FOXP2: variants seen among roughly 807,000 people sequenced by gnomAD.
The protein encoded by FOXP2 is forkhead box P2.
In FOXP2, 12 loss-of-function variants were observed where a neutral mutation model predicts 115.8. The ratio of observed to expected loss-of-function variants is 0.10; its 90% CI spans 0.07 to 0.17. The LOEUF is 0.17. Among genes scored for constraint, FOXP2 ranks in the 10% least tolerant of loss-of-function variants. FOXP2 has a pLI of 1.00. For missense variants in FOXP2, 629 were observed against 843.5 expected, an observed-to-expected ratio of 0.75 and a Z score of 3.15; for synonymous variants, 328 against 297.7, an observed-to-expected ratio of 1.10 and a Z score of -1.05.
intron 1 of FOXP2, among the ~76,000 whole-genome samples, chr7:114,421,592 T>G (rs868252463): frequency 1.3e-5 from 2 of 151,806 alleles, no homozygotes; most frequent in African/African-American, 2.4e-5. Context: ...AATAAACAAG[T>G]TAATTTTAAT....
chr7:114,421,125 T>C (rs1793600353), intron 1 of FOXP2, among the ~76,000 whole-genome samples: 1 of 151,674 alleles, frequency 6.6e-6, no homozygotes, highest in African/African-American at 2.4e-5. Flanking sequence ...TACATCTACA[T>C]GGCCACCATT....
intron 2 of FOXP2, among the ~76,000 whole-genome samples, chr7:114,370,152 C>T (rs561982390): frequency 2.0e-5 from 3 of 152,284 alleles, no homozygotes; most frequent in African/African-American, 7.2e-5. Flanking sequence ...CTATGTCAGT[C>T]TCAGATGGTT....
chr7:114,624,099 CAATA>C (rs764108488), intron 3 of FOXP2, among the ~76,000 whole-genome samples: 6 of 151,764 alleles, frequency 4.0e-5, no homozygotes, highest in Non-Finnish European at 8.9e-5. Flanking sequence ...CATTCCAATG[CAATA>C]AATAGTTTCT....
chr7:114,129,769 G>C (rs1163047355), intron 1 of FOXP2, among the ~76,000 whole-genome samples: 1 of 152,154 alleles, frequency 6.6e-6, no homozygotes, highest in Non-Finnish European at 1.5e-5. Flanking sequence ...TACCTTCACT[G>C]TTCTGTCATT....
At chr7:114,253,751 G>T (rs1475292888) in intron 1 of FOXP2, among the ~76,000 whole-genome samples, 1 of 152,160 alleles carries the variant, frequency 6.6e-6, no homozygotes, top group Non-Finnish European at 1.5e-5. Context: ...TATCCAATTT[G>T]TCAGTCTGTG....
intron 1 of FOXP2, among the ~76,000 whole-genome samples, chr7:114,127,731 ATGT>A (rs1791754973): frequency 6.6e-6 from 1 of 152,156 alleles, no homozygotes; most frequent in Non-Finnish European, 1.5e-5. Flanking sequence ...AGATCAGTAG[ATGT>A]TGTGCTTGAT....
intron 2 of FOXP2, among the ~76,000 whole-genome samples, chr7:114,505,077 A>C (rs141357890): frequency 5.7e-4 from 86 of 151,722 alleles, no homozygotes; most frequent in African/African-American, 1.9e-3. Context: ...CATAGTTCTG[A>C]CTTCTCATTT....
Position 114,672,584 on chromosome 7 carries a change from C to CAA in FOXP2, c.2003+8158_2003+8159dup, listed in dbSNP as rs76316930. Among the ~76,000 whole-genome samples the CAA allele has an allele frequency of 6.6e-4, 87 of 131,280 alleles. No homozygotes were observed. The East Asian group carries it at 8.3e-3, about 13-fold the overall frequency. The allele number at this position is 131,280 out of a possible 152,430, so 86.1% of individuals were successfully genotyped here. A position where few individuals can be genotyped will look rare whatever the true frequency, so the allele number is the denominator to read the frequency against. On this transcript the variant is annotated intron_variant, in intron 16 of 16. Coordinates refer to ENST00000350908, the MANE Select transcript of FOXP2 (RefSeq NM_014491.4). The stretch of plus-strand genomic sequence containing the variant: ...AATGTGACAGAGAGAGACTCCATCT[C>CAA]AAAAAAAAAAATACCTATTACTTTT...
intron 1 of FOXP2, among the ~76,000 whole-genome samples, chr7:114,249,351 G>A (rs1301330753): frequency 6.6e-6 from 1 of 151,966 alleles, no homozygotes; most frequent in Non-Finnish European, 1.5e-5. Flanking sequence ...TGTTTTTCCT[G>A]ATGCTCTCCT....
Position 114,691,144 on chromosome 7 carries a change from C to G in FOXP2, c.*1218C>G. ...ATTGCATATTGTTATATATATAGTACTTTGTGTTTTTGTTTTCCCTCATTC... is the reference window on the plus strand; with the variant it reads ...ATTGCATATTGTTATATATATAGTAGTTTGTGTTTTTGTTTTCCCTCATTC... On this transcript the variant is annotated 3_prime_UTR_variant, in exon 17 of 17. Coordinates refer to ENST00000350908, the MANE Select transcript of FOXP2 (RefSeq NM_014491.4). 1 of 453,928 alleles carries G rather than the reference C, an allele frequency of 2.2e-6. No individual in the cohort carries two copies. The highest frequency in any genetic ancestry group is 1.6e-5 in the South Asian group (1 of 64,468). 28.1% of individuals were successfully genotyped at this position (453,928 alleles called of 1,614,324 possible). A position where few individuals can be genotyped will look rare whatever the true frequency, so the allele number is the denominator to read the frequency against.
At chr7:114,664,117 A>C (rs546683334) in intron 15 of FOXP2, among the ~76,000 whole-genome samples, 156 bp from the exon 16 acceptor site, 1 of 152,198 alleles carries the variant, frequency 6.6e-6, no homozygotes, top group Non-Finnish European at 1.5e-5. Flanking sequence ...TCTCTGCCAC[A>C]AGTAGCCAGT....
chr7:114,117,247 A>G (rs1341242596), intron 1 of FOXP2, among the ~76,000 whole-genome samples: 1 of 150,248 alleles, frequency 6.7e-6, no homozygotes, highest in Non-Finnish European at 1.5e-5. Flanking sequence ...TTTGAAACAG[A>G]GTCTCACTCT....
chr7:114,311,364 G>A (rs1254097803), intron 2 of FOXP2, among the ~76,000 whole-genome samples: 5 of 152,188 alleles, frequency 3.3e-5, no homozygotes, highest in Admixed American at 2.6e-4. Context: ...TGATGGTTCT[G>A]TGGGTCTTGG....
intron 1 of FOXP2, among the ~76,000 whole-genome samples, chr7:114,169,028 G>C (rs1562989756): frequency 6.6e-6 from 1 of 152,238 alleles, no homozygotes; most frequent in Non-Finnish European, 1.5e-5. Flanking sequence ...AGATGTCAGA[G>C]GACGTGTGGA....
intron 1 of FOXP2, among the ~76,000 whole-genome samples, chr7:114,111,810 G>A (rs376775345): frequency 5.3e-5 from 8 of 151,946 alleles, no homozygotes; most frequent in African/African-American, 1.9e-4. Context: ...GAGCTGCTTC[G>A]AAAAACTTCA....
At chr7:114,665,951 A>T in intron 16 of FOXP2, 1 of 152,090 alleles carries the variant, frequency 6.6e-6, no homozygotes, top group East Asian at 1.9e-4. Context: ...TAATTGGGCT[A>T]AATTGTAGCA....
chr7:114,394,007 A>T (rs4549705), intron 2 of FOXP2, among the ~76,000 whole-genome samples: 72 of 8,808 alleles, frequency 8.2e-3, no homozygotes, highest in African/African-American at 0.024. Context: ...TGTGTGTGTG[A>T]GAGAGAGAGA....
chr7:114,187,051 C>T (rs1488958173), intron 1 of FOXP2, among the ~76,000 whole-genome samples: 1 of 152,186 alleles, frequency 6.6e-6, no homozygotes, highest in Non-Finnish European at 1.5e-5. Context: ...CTTTCAGGGT[C>T]ATTCTCCAAT....
chr7:114,544,039 A>G (rs890050340), intron 3 of FOXP2, among the ~76,000 whole-genome samples: 1 of 152,078 alleles, frequency 6.6e-6, no homozygotes, highest in African/African-American at 2.4e-5. Flanking sequence ...TTTTCTTAAT[A>G]GAGGCAAAGT....
Sources: gnomAD v4.1 joint callset for allele counts (sites outside exome capture counted in the v4.1 genomes callset) on GRCh38, gnomAD v4.1.1 for gene constraint, MANE v1.5 for transcripts, NCBI Gene and HGNC (gene_info 2026-07-23, HGNC 2026-07-21) for gene names.